Variants in METTL25 observed in about 807,000 individuals in gnomAD.
METTL25 encodes the protein probable methyltransferase-like protein 25.
METTL25 carries 64 observed loss-of-function variants against 71.6 expected under a neutral mutation model. The observed-to-expected ratio is 0.89, with a 90% confidence interval of 0.73 to 1.10. The LOEUF (loss-of-function observed/expected upper bound fraction) is 1.10. Among genes scored for constraint, METTL25 ranks in the 50% least tolerant of loss-of-function variants. The pLI is 0.00. For synonymous variants in METTL25, 287 were observed against 250.3 expected, an observed-to-expected ratio of 1.15 and a Z score of -1.38; for missense variants, 807 against 707.0, an observed-to-expected ratio of 1.14 and a Z score of -1.60.
intron 5 of METTL25, among the ~76,000 whole-genome samples, chr12:82,410,387 A>G (rs1340706258): frequency 1.3e-5 from 2 of 152,126 alleles, no homozygotes; most frequent in Non-Finnish European, 2.9e-5. Flanking sequence ...TTTCTATCTC[A>G]TACAATATGT....
At chr12:82,362,404 A>G (rs1882050719) in intron 1 of METTL25, among the ~76,000 whole-genome samples, 1 of 152,172 alleles carries the variant, frequency 6.6e-6, no homozygotes, top group South Asian at 2.1e-4. Flanking sequence ...AATGGGGGTA[A>G]CTTTAGTACC....
At chr12:82,389,074 A>T (rs1885330678) in intron 2 of METTL25, among the ~76,000 whole-genome samples, 1 of 152,062 alleles carries the variant, frequency 6.6e-6, no homozygotes, top group Admixed American at 6.6e-5. Context: ...CCTACCACTC[A>T]ACTCCCACAT....
At chr12:82,429,882 T>C (rs1889349825) in intron 5 of METTL25, among the ~76,000 whole-genome samples, 1 of 151,494 alleles carries the variant, frequency 6.6e-6, no homozygotes, top group Non-Finnish European at 1.5e-5. Context: ...TATAAATTTT[T>C]ATTTAATACC....
At chr12:82,418,978 A>G (rs1008618533) in intron 5 of METTL25, among the ~76,000 whole-genome samples, 3 of 152,172 alleles carry the variant, frequency 2.0e-5, no homozygotes, top group African/African-American at 7.2e-5. Context: ...AATCTACATC[A>G]GTAAAGGATT....
intron 9 of METTL25, among the ~76,000 whole-genome samples, chr12:82,474,166 A>G (rs961069200): frequency 1.3e-5 from 2 of 152,092 alleles, no homozygotes; most frequent in African/African-American, 4.8e-5. Context: ...AAGGATGGTA[A>G]GTGTTTGTGG....
chr12:82,431,611 G>GCA (rs759638063), intron 6 of METTL25, among the ~76,000 whole-genome samples: 6 of 151,460 alleles, frequency 4.0e-5, no homozygotes, highest in Non-Finnish European at 7.4e-5. Context: ...TGCTCTTACT[G>GCA]CACACACACA....
intron 5 of METTL25, among the ~76,000 whole-genome samples, chr12:82,425,152 G>A (rs991350042): frequency 2.6e-5 from 4 of 152,048 alleles, no homozygotes; most frequent in Non-Finnish European, 4.4e-5. Flanking sequence ...GGCTATCACT[G>A]ACAGAGGGTG....
intron 9 of METTL25, among the ~76,000 whole-genome samples, chr12:82,458,744 C>G (rs1309734910): frequency 6.6e-6 from 1 of 152,122 alleles, no homozygotes; most frequent in Non-Finnish European, 1.5e-5. Flanking sequence ...TCAGAAGAAA[C>G]TATAATCAGA....
chr12:82,453,701 A>AT (rs1218395281), intron 8 of METTL25, among the ~76,000 whole-genome samples: 1 of 152,152 alleles, frequency 6.6e-6, no homozygotes, highest in African/African-American at 2.4e-5. Context: ...TTGTATAACT[A>AT]AGCCTGCCTA....
At chr12:82,372,635 A>G (rs1883358423) in intron 1 of METTL25, among the ~76,000 whole-genome samples, 2 of 152,174 alleles carry the variant, frequency 1.3e-5, no homozygotes, top group South Asian at 4.1e-4. Flanking sequence ...TATTGGGGCC[A>G]GGCCATAGTG....
chr12:82,384,143 C>T (rs1216871096), intron 1 of METTL25, among the ~76,000 whole-genome samples: 2 of 151,984 alleles, frequency 1.3e-5, no homozygotes, highest in Non-Finnish European at 2.9e-5. Context: ...TATGCAGGTG[C>T]GATAGGCAGC....
chr12:82,438,915 A>G (rs772457989), intron 8 of METTL25, 124 bp downstream of exon 8: 8 of 768,658 alleles, frequency 1.0e-5, no homozygotes, highest in Non-Finnish European at 1.5e-5. Flanking sequence ...TTTGAGCATA[A>G]TGTCAATAAC....
chr12:82,361,179 C>A (rs1881819080), intron 1 of METTL25, among the ~76,000 whole-genome samples: 1 of 152,196 alleles, frequency 6.6e-6, no homozygotes, highest in Non-Finnish European at 1.5e-5. Flanking sequence ...AATCCCTGAG[C>A]TAGACATGAA....
intron 8 of METTL25, among the ~76,000 whole-genome samples, chr12:82,446,909 G>A (rs375601337): frequency 1.3e-5 from 2 of 152,022 alleles, no homozygotes; most frequent in African/African-American, 2.4e-5. Context: ...GTGCCACCAC[G>A]CCCGGCCTTA....
At chr12:82,376,747 A>AC in intron 1 of METTL25, among the ~76,000 whole-genome samples, 1 of 152,216 alleles carries the variant, frequency 6.6e-6, no homozygotes, top group Non-Finnish European at 1.5e-5. Flanking sequence ...GCATAATCTT[A>AC]TTGTTAAATT....
At chr12:82,379,303 C>T (rs1343092376) in intron 1 of METTL25, among the ~76,000 whole-genome samples, 1 of 152,098 alleles carries the variant, frequency 6.6e-6, no homozygotes, top group Non-Finnish European at 1.5e-5. Flanking sequence ...CAATTCAAAG[C>T]AATTACTGCA....
In METTL25 at chr12:82,358,789, A is replaced by G; in HGVS notation, c.224A>G (p.Glu75Gly). ...TCGGAGACGGAGGCCCTGCCCTCAG[A>G]GACGCGCCCCCTAGTGGAAGCAGAG... The part of the protein sequence containing the change: ...SASETEALPS[E>G]TRPLVEAEWE... The change falls in exon 1 of 12, where the codon GAG becomes GGG. Residue 75 changes from glutamate to glycine, a missense_variant. Physicochemically the swap from Glu to Gly is moderately conservative, Grantham distance 98. Transcript: ENST00000248306. 1 of 1,613,324 alleles carries G rather than the reference A, an allele frequency of 6.2e-7. No homozygotes were observed. The highest frequency in any genetic ancestry group is 8.5e-7 in the Non-Finnish European group (1 of 1,179,786).
chr12:82,461,397 T>C (rs1221210340), intron 9 of METTL25, among the ~76,000 whole-genome samples: 1 of 152,224 alleles, frequency 6.6e-6, no homozygotes, highest in Non-Finnish European at 1.5e-5. Flanking sequence ...GATGTTATTA[T>C]TGTTTTATAG....
intron 4 of METTL25, among the ~76,000 whole-genome samples, chr12:82,402,458 T>G (rs375926826): frequency 1.3e-5 from 2 of 152,184 alleles, no homozygotes; most frequent in East Asian, 3.9e-4. Context: ...GTCTAGTTGT[T>G]AAGCAAATAT....
Sources: allele counts gnomAD v4.1 joint callset (sites outside exome capture counted in the v4.1 genomes callset), GRCh38; gene constraint gnomAD v4.1.1; transcripts MANE v1.5; gene names NCBI Gene and HGNC (gene_info 2026-07-23, HGNC 2026-07-21).